The following PDGFD variants were observed in gnomAD, a reference collection of about 807,000 sequenced individuals.
PDGFD encodes the protein platelet-derived growth factor D.
A neutral mutation model predicts 44.7 loss-of-function variants in PDGFD; 30 were observed. That is an observed-to-expected ratio of 0.67 (90% confidence interval 0.50 to 0.91). The LOEUF is 0.91. PDGFD is among the 40% of genes least tolerant of loss of function. The pLI, the probability that PDGFD is intolerant of heterozygous loss-of-function variation, is 0.00. For missense variants in PDGFD, 445 were observed against 457.8 expected, an observed-to-expected ratio of 0.97 and a Z score of 0.25; for synonymous variants, 173 against 168.4, an observed-to-expected ratio of 1.03 and a Z score of -0.21.
intron 1 of PDGFD, among the ~76,000 whole-genome samples, chr11:104,099,383 T>C (rs1478624571): frequency 6.6e-6 from 1 of 152,120 alleles, no homozygotes; most frequent in Non-Finnish European, 1.5e-5. Context: ...TTCACACTTG[T>C]AATCCCAGCA....
chr11:104,093,649 T>G (rs775518326), intron 1 of PDGFD, among the ~76,000 whole-genome samples: 3 of 151,996 alleles, frequency 2.0e-5, no homozygotes, highest in Non-Finnish European at 4.4e-5. Flanking sequence ...ACTCCCTCAC[T>G]TTTAGCCAAT....
chr11:103,964,200 T>TTTTTTTTC (rs1858980406), intron 3 of PDGFD, among the ~76,000 whole-genome samples: 2 of 151,934 alleles, frequency 1.3e-5, no homozygotes, highest in South Asian at 4.1e-4. Context: ...ATCATTGCTC[T>TTTTTTTTC]TTTTTTTCTC....
intron 4 of PDGFD, among the ~76,000 whole-genome samples, chr11:103,946,911 GA>G (rs575076839): frequency 2.2e-4 from 33 of 151,644 alleles, no homozygotes; most frequent in East Asian, 2.0e-3. Flanking sequence ...CCAATTTTAG[GA>G]AAAAAAACAA....
chr11:104,033,555 GA>G (rs1002777487), intron 1 of PDGFD, among the ~76,000 whole-genome samples: 1 of 151,840 alleles, frequency 6.6e-6, no homozygotes, highest in Admixed American at 6.6e-5. Flanking sequence ...CAATGGTATA[GA>G]AAAAAAGATG....
chr11:104,130,486 G>C (rs1237174814), intron 1 of PDGFD, among the ~76,000 whole-genome samples: 1 of 152,154 alleles, frequency 6.6e-6, no homozygotes, highest in Admixed American at 6.6e-5. Context: ...AATGGCTAGA[G>C]AGATATTAGC....
At chr11:104,098,363 G>C (rs1304330450) in intron 1 of PDGFD, among the ~76,000 whole-genome samples, 1 of 152,144 alleles carries the variant, frequency 6.6e-6, no homozygotes, top group Non-Finnish European at 1.5e-5. Context: ...AAGAGGAAGA[G>C]AAATACAAGG....
At chr11:103,931,498 G>A (rs906731574) in intron 5 of PDGFD, among the ~76,000 whole-genome samples, 6 of 152,180 alleles carry the variant, frequency 3.9e-5, no homozygotes, top group African/African-American at 2.4e-5. Flanking sequence ...AGAATCACAT[G>A]CTTTTTTCTC....
intron 4 of PDGFD, 44 bp from the exon 5 acceptor site, chr11:103,943,694 G>T: frequency 1.3e-6 from 2 of 1,504,852 alleles, no homozygotes; most frequent in Non-Finnish European, 1.8e-6. Context: ...TAAGTCCATT[G>T]CTGTGAAATA....
At chr11:104,039,466 A>G (rs77532893) in intron 1 of PDGFD, among the ~76,000 whole-genome samples, 2 of 144,146 alleles carry the variant, frequency 1.4e-5, no homozygotes, top group Admixed American at 7.0e-5. Flanking sequence ...CTTCTTGGTA[A>G]TACTAATCAA....
chr11:103,919,502 C>CTTTTTTTTT lies in PDGFD; in HGVS notation c.987+7401_987+7409dup, dbSNP rs71037206. On this transcript the variant is annotated intron_variant, in intron 6 of 6. Coordinates refer to ENST00000393158, the MANE Select transcript of PDGFD (RefSeq NM_025208.5). ...AATCATTAAGAGTTTAAGATTCTTC[C>CTTTTTTTTT]TTTTTTTTTTTTTTTTTTTTTTTGA... Among the ~76,000 whole-genome samples the CTTTTTTTTT allele has an allele frequency of 1.7e-4, 15 of 88,782 alleles. 1 individual carries two copies. The highest frequency in any genetic ancestry group is 1.8e-4 in the African/African-American group (4 of 22,226). 58.2% of individuals were successfully genotyped at this position (88,782 alleles called of 152,430 possible).
In PDGFD at chr11:103,958,916, C is replaced by T. The variant is rs530720270; in HGVS notation, c.511-11192G>A. Among the ~76,000 whole-genome samples the T allele has an allele frequency of 1.3e-4, 20 of 152,198 alleles. No homozygotes were observed. The East Asian group carries it at 2.9e-3, about 22-fold the overall frequency. On this transcript the variant is annotated intron_variant, in intron 3 of 6. Coordinates refer to ENST00000393158, the MANE Select transcript of PDGFD (RefSeq NM_025208.5). Reference sequence around the variant, plus strand: ...TTATCTCTAAAAACTCAAATTATTCCATTACTAATTAAAACTCCTAAGATC... The same window carrying T: ...TTATCTCTAAAAACTCAAATTATTCTATTACTAATTAAAACTCCTAAGATC...
intron 1 of PDGFD, among the ~76,000 whole-genome samples, chr11:104,083,590 C>T (rs992680340): frequency 2.0e-5 from 3 of 152,034 alleles, no homozygotes; most frequent in Admixed American, 6.6e-5. Flanking sequence ...ACTTTTAAAA[C>T]GACCAACAAA....
At chr11:104,076,798 C>G (rs1031546693) in intron 1 of PDGFD, among the ~76,000 whole-genome samples, 2 of 152,208 alleles carry the variant, frequency 1.3e-5, no homozygotes, top group Admixed American at 6.5e-5. Context: ...CCAAGCCCTT[C>G]TCTTTCTTCT....
chr11:104,106,752 T>C (rs1861476582), intron 1 of PDGFD, among the ~76,000 whole-genome samples: 1 of 151,934 alleles, frequency 6.6e-6, no homozygotes, highest in African/African-American at 2.4e-5. Context: ...ATGCCTTTTT[T>C]TTTTTTTTCA....
At chr11:104,032,653 T>C (rs201038883) in intron 1 of PDGFD, among the ~76,000 whole-genome samples, 3 of 121,386 alleles carry the variant, frequency 2.5e-5, no homozygotes, top group Non-Finnish European at 5.1e-5. Flanking sequence ...GATTTTTTTC[T>C]TTTTTTTTTT....
At chr11:104,024,314 C>A (rs1157303697) in intron 1 of PDGFD, among the ~76,000 whole-genome samples, 1 of 152,064 alleles carries the variant, frequency 6.6e-6, no homozygotes, top group Non-Finnish European at 1.5e-5. Flanking sequence ...AGTAATCATG[C>A]TGCTGTAGAC....
At chr11:104,114,641 G>C (rs1363161916) in intron 1 of PDGFD, among the ~76,000 whole-genome samples, 1 of 151,806 alleles carries the variant, frequency 6.6e-6, no homozygotes, top group Non-Finnish European at 1.5e-5. Flanking sequence ...ATAACTTGTT[G>C]GGATTTTGAT....
chr11:104,080,766 A>G (rs1591153767), intron 1 of PDGFD, among the ~76,000 whole-genome samples: 1 of 152,296 alleles, frequency 6.6e-6, no homozygotes, highest in Admixed American at 6.5e-5. Context: ...AAAGTGTGTG[A>G]CTTCTGAGAA....
chr11:103,936,837 T>G (rs563731254), intron 5 of PDGFD, among the ~76,000 whole-genome samples: 70 of 152,176 alleles, frequency 4.6e-4, no homozygotes, highest in Admixed American at 2.4e-3. Flanking sequence ...TTTGTTTTTT[T>G]TTTTTAAAGC....
Sources: gnomAD v4.1 joint callset for allele counts (sites outside exome capture counted in the v4.1 genomes callset) on GRCh38, gnomAD v4.1.1 for gene constraint, MANE v1.5 for transcripts, NCBI Gene and HGNC (gene_info 2026-07-23, HGNC 2026-07-21) for gene names.